The following ALK variants were observed in gnomAD, a reference collection of about 807,000 sequenced individuals.
ALK encodes ALK tyrosine kinase receptor.
Under a neutral mutation model 163.1 loss-of-function variants are expected in ALK, and 74 were observed. The observed-to-expected ratio is 0.45, with a 90% CI of 0.38 to 0.55. The LOEUF (loss-of-function observed/expected upper bound fraction) is 0.55. Among genes scored for constraint, ALK ranks in the 20% least tolerant of loss-of-function variants. The pLI is 0.00. For synonymous variants in ALK, 960 were observed against 843.2 expected, an observed-to-expected ratio of 1.14 and a Z score of -2.40; for missense variants, 2,063 against 2,105.3, an observed-to-expected ratio of 0.98 and a Z score of 0.39.
intron 24 of ALK, among the ~76,000 whole-genome samples, chr2:29,212,219 CAA>C (rs1669485479): frequency 6.6e-6 from 1 of 152,102 alleles, no homozygotes; most frequent in African/African-American, 2.4e-5. Flanking sequence ...AGCACATGGA[CAA>C]AGATGGAAAG....
Position 29,228,950 on chromosome 2 carries a change from T to TTCCCCC in ALK, c.2748_2749insGGGGGA (p.Glu916_Thr917insGlyGly). ...CCACCCCCTCCGAAACCCCCTCTTG[T>TTCCCCC]CTCCCACCCCCACTTCTTCATGGCC... On this transcript the variant is annotated inframe_insertion, in exon 16 of 29. Coordinates refer to ENST00000389048, the MANE Select transcript of ALK (RefSeq NM_004304.5). 1 of 992,566 alleles carries TTCCCCC rather than the reference T, an allele frequency of 1.0e-6. No homozygotes were observed. The highest frequency in any genetic ancestry group is 1.5e-6 in the Non-Finnish European group (1 of 677,828). 61.5% of individuals were successfully genotyped at this position (992,566 alleles called of 1,614,324 possible). A position where few individuals can be genotyped will look rare whatever the true frequency, so the allele number is the denominator to read the frequency against.
At chr2:29,630,545 G>T (rs1676337444) in intron 3 of ALK, among the ~76,000 whole-genome samples, 1 of 151,816 alleles carries the variant, frequency 6.6e-6, no homozygotes, top group Non-Finnish European at 1.5e-5. Context: ...TGAAATTAAG[G>T]TTGGCAATTA....
At position 29,206,037 on chromosome 2, in the gene ALK, T is replaced by C. The variant is rs534433958; in HGVS notation, c.3938+1134A>G. Among the ~76,000 whole-genome samples the C allele has an allele frequency of 5.3e-5, 8 of 152,300 alleles. No homozygotes were observed. The South Asian group carries it at 1.2e-3, about 24-fold the overall frequency. ...ACCAGGGAGACTTCAGTTCAGTCTC[T>C]TCAGAGAGAGAGCCCAAGTCTTGTG... is the stretch of plus-strand genomic sequence containing the variant. On this transcript the variant is annotated intron_variant, in intron 26 of 28. Coordinates refer to ENST00000389048, the MANE Select transcript of ALK (RefSeq NM_004304.5).
At chr2:29,757,572 A>G (rs771996866) in intron 1 of ALK, among the ~76,000 whole-genome samples, 8 of 146,306 alleles carry the variant, frequency 5.5e-5, no homozygotes, top group Non-Finnish European at 9.0e-5. Context: ...AATATTGTGC[A>G]AGCATCTTGT....
intron 11 of ALK, among the ~76,000 whole-genome samples, chr2:29,262,476 T>G (rs979557868): frequency 2.0e-5 from 3 of 152,366 alleles, no homozygotes; most frequent in African/African-American, 7.2e-5. Context: ...TCTGTGGTTC[T>G]TTGTGTATGA....
chr2:29,595,407 G>A (rs1180169173), intron 3 of ALK, among the ~76,000 whole-genome samples: 3 of 147,308 alleles, frequency 2.0e-5, no homozygotes, highest in Non-Finnish European at 3.0e-5. Context: ...TGCAAGCTCT[G>A]CCTCCCGGGT....
chr2:29,911,300 T>C (rs1572494102), intron 1 of ALK, among the ~76,000 whole-genome samples: 1 of 152,224 alleles, frequency 6.6e-6, no homozygotes, highest in African/African-American at 2.4e-5. Context: ...GACCCTTCAG[T>C]AGAGCCAGCA....
chr2:29,276,568 C>A (rs577699587), intron 9 of ALK, among the ~76,000 whole-genome samples: 3 of 152,178 alleles, frequency 2.0e-5, no homozygotes, highest in African/African-American at 7.2e-5. Flanking sequence ...ATGAAAACAC[C>A]AAGAGAAAGA....
chr2:29,541,174 T>C (rs758798424), intron 3 of ALK, among the ~76,000 whole-genome samples: 2 of 152,238 alleles, frequency 1.3e-5, no homozygotes, highest in African/African-American at 4.8e-5. Context: ...AAGACTGATT[T>C]AAAGAGAGAT....
At position 29,281,842 on chromosome 2, in the gene ALK, A is replaced by G. The variant is rs148650430; in HGVS notation, c.1818-6346T>C. Among the ~76,000 whole-genome samples, 382 of 152,334 alleles carry G rather than the reference A, an allele frequency of 2.5e-3. 1 individual carries two copies. The highest frequency in any genetic ancestry group is 4.3e-3 in the Non-Finnish European group (295 of 68,024). On this transcript the variant is annotated intron_variant, in intron 9 of 28. Transcript: ENST00000389048. ...TGAGAAATGCCGATGCTGCTCACGT[A>G]CGACTCAGAAAATGTACCATCTCAT...
intron 4 of ALK, among the ~76,000 whole-genome samples, chr2:29,443,414 C>T (rs1670594372): frequency 1.3e-5 from 2 of 152,312 alleles, no homozygotes; most frequent in African/African-American, 2.4e-5. Context: ...GTTCTGCTGC[C>T]GCCCAGGAGT....
rs1057214094 is a variant in ALK at position 29,587,561 on chromosome 2, C to T, written c.953-55445G>A. Among the ~76,000 whole-genome samples the T allele has an allele frequency of 4.6e-5, 7 of 152,154 alleles. No homozygotes were observed. In the South Asian group the frequency reaches 1.2e-3, roughly 27 times the overall value. ...TTCTCTTTTTAGTTCAAGTCACATGCTAATGTGTCAACTCATTCGCCTGGA... is the reference window on the plus strand; with the variant it reads ...TTCTCTTTTTAGTTCAAGTCACATGTTAATGTGTCAACTCATTCGCCTGGA... On this transcript the variant is annotated intron_variant, in intron 3 of 28. Coordinates refer to ENST00000389048, the MANE Select transcript of ALK (RefSeq NM_004304.5).
intron 2 of ALK, among the ~76,000 whole-genome samples, chr2:29,707,821 T>C (rs1175534747): frequency 6.6e-6 from 1 of 152,210 alleles, no homozygotes. Flanking sequence ...CATTCAGATC[T>C]GTCGTCATGT....
At chr2:29,785,519 C>A (rs528171681) in intron 1 of ALK, among the ~76,000 whole-genome samples, 3 of 152,226 alleles carry the variant, frequency 2.0e-5, no homozygotes, top group South Asian at 2.1e-4. Flanking sequence ...AAAGATGATT[C>A]GATTTACAAA....
chr2:29,576,519 T>C (rs1674528978), intron 3 of ALK, among the ~76,000 whole-genome samples: 1 of 152,198 alleles, frequency 6.6e-6, no homozygotes, highest in South Asian at 2.1e-4. Flanking sequence ...CCTGTTCAGC[T>C]CGGTTCTCTG....
chr2:29,282,122 G>A (rs1040569617), intron 9 of ALK, among the ~76,000 whole-genome samples: 3 of 152,148 alleles, frequency 2.0e-5, no homozygotes, highest in East Asian at 1.9e-4. Context: ...TAGTGGGCTC[G>A]GAAGAAGGGA....
intron 1 of ALK, among the ~76,000 whole-genome samples, chr2:29,777,321 T>C (rs1681204066): frequency 6.6e-6 from 1 of 152,164 alleles, no homozygotes; most frequent in Admixed American, 6.5e-5. Flanking sequence ...CCAGGGTCTC[T>C]TGAAATCATC....
intron 3 of ALK, among the ~76,000 whole-genome samples, chr2:29,574,492 T>G (rs1219193769): frequency 2.0e-5 from 3 of 152,252 alleles, no homozygotes; most frequent in African/African-American, 7.2e-5. Context: ...CTTGATTTTA[T>G]ATGTTTGGTC....
intron 4 of ALK, among the ~76,000 whole-genome samples, chr2:29,427,559 G>GA (rs1304073851): frequency 6.6e-6 from 1 of 150,772 alleles, no homozygotes; most frequent in African/African-American, 2.4e-5. Context: ...AGAATGTCGA[G>GA]AAAAAAATCA....
Sources: allele counts gnomAD v4.1 joint callset (sites outside exome capture counted in the v4.1 genomes callset), GRCh38; gene constraint gnomAD v4.1.1; transcripts MANE v1.5; gene names NCBI Gene and HGNC (gene_info 2026-07-23, HGNC 2026-07-21).